The following PPP1R10 variants were observed in gnomAD, a reference collection of about 807,000 sequenced individuals.
PPP1R10 encodes serine/threonine-protein phosphatase 1 regulatory subunit 10.
In PPP1R10, 15 loss-of-function variants were observed where a neutral mutation model predicts 99.0. That is an observed-to-expected ratio of 0.15 (90% CI 0.10 to 0.23). The LOEUF is 0.23. PPP1R10 is among the 10% of genes least tolerant of loss of function. The pLI, the probability that PPP1R10 is intolerant of heterozygous loss-of-function variation, is 1.00. For missense variants in PPP1R10, 947 were observed against 1,259.4 expected (o/e 0.75, Z 3.75); for synonymous variants, 430 against 449.5 (o/e 0.96, Z 0.55).
intron 2 of PPP1R10, among the ~76,000 whole-genome samples, chr6:30,613,818 C>A (rs1295182374): frequency 6.6e-6 from 1 of 152,086 alleles, no homozygotes; most frequent in Non-Finnish European, 1.5e-5. Flanking sequence ...ATGTTCAGCT[C>A]CCAAGGAAGA....
rs776171242 is a variant in PPP1R10 at position 30,602,560 on chromosome 6, C to T, written c.2089G>A (p.Gly697Arg). The T allele has an allele frequency of 1.9e-6, 3 of 1,565,394 alleles. No homozygotes were observed. The highest frequency in any genetic ancestry group is 2.0e-5 in the Admixed American group (1 of 50,922). ...MRGGPMRGGP[G>R]PGPGPYHRGR... ...CTATGGTATGGTCCAGGACCTGGTC[C>T]TGGACCCCCCCGCATTGGGCCACCC... Residue 697 changes from glycine (G) to arginine (R), a missense_variant, in exon 19 of 20, where the codon GGA becomes AGA. By Grantham distance (125) the Gly-to-Arg change is moderately radical. Transcript: ENST00000376511. The surrounding 1 kb of genome is among the most constrained non-coding windows in gnomAD (Gnocchi z 6.7).
chr6:30,602,633 A>G lies in PPP1R10; in HGVS notation c.2016T>C (p.Pro672=). The G allele has an allele frequency of 3.8e-6, 6 of 1,588,924 alleles. No homozygotes were observed. The highest frequency in any genetic ancestry group is 5.1e-6 in the Non-Finnish European group (6 of 1,170,746). ...VGPRLLGPPP[P]PRGGDPFWDG... Reference sequence around the variant, plus strand: ...CCCAGAAGGGATCACCTCCCCGGGGAGGGGGTGGAGGACCCAGAAGACGTG... The same window carrying G: ...CCCAGAAGGGATCACCTCCCCGGGGGGGGGGTGGAGGACCCAGAAGACGTG... Residue 672 remains proline, a synonymous_variant, in exon 19 of 20, where the codon CCT becomes CCC. Coordinates refer to ENST00000376511, the MANE Select transcript of PPP1R10 (RefSeq NM_002714.4). The surrounding 1 kb of genome is among the most constrained non-coding windows in gnomAD (Gnocchi z 6.7).
At chr6:30,608,713 T>C in intron 5 of PPP1R10, 66 bp downstream of exon 5, 1 of 1,532,154 alleles carries the variant, frequency 6.5e-7, no homozygotes, top group Non-Finnish European at 8.9e-7. Flanking sequence ...CATCAGTCAG[T>C]TTGAGTTTTT....
intron 2 of PPP1R10, among the ~76,000 whole-genome samples, chr6:30,610,226 C>T (rs1041114109): frequency 5.3e-5 from 8 of 152,178 alleles, no homozygotes; most frequent in African/African-American, 1.9e-4. Flanking sequence ...GTCCCTCCCT[C>T]CCAGCAGCAT....
At chr6:30,607,522 G>C (rs1014292848) in intron 6 of PPP1R10, among the ~76,000 whole-genome samples, 1 of 152,154 alleles carries the variant, frequency 6.6e-6, no homozygotes, top group Non-Finnish European at 1.5e-5. Context: ...GAGTTTCACA[G>C]ATGAGACACG....
At position 30,603,989 on chromosome 6, in the gene PPP1R10, C is replaced by T. The variant is rs200747697; in HGVS notation, c.1508+19G>A. On this transcript the variant is annotated intron_variant, in intron 14 of 19. Transcript: ENST00000376511. Reference sequence around the variant, plus strand: ...TCCAAGCACTCAACATCCCAGGGCACGAACCCCACTCTGCTCACCTCTCCT... The same window carrying T: ...TCCAAGCACTCAACATCCCAGGGCATGAACCCCACTCTGCTCACCTCTCCT... 2.9e-5 allele frequency: 45 copies of T among 1,563,522 alleles called. No homozygotes were observed. The highest frequency in any genetic ancestry group is 6.8e-5 in the African/African-American group (5 of 73,730).
chr6:30,602,251 G>A lies in PPP1R10; in HGVS notation c.2398C>T (p.His800Tyr), dbSNP rs758424401. The A allele has an allele frequency of 1.2e-6, 2 of 1,612,170 alleles. No homozygotes were observed. Among genetic ancestry groups the A allele is most frequent in the Non-Finnish European group, 1.7e-6 (2 of 1,179,472 alleles). The stretch of plus-strand genomic sequence containing the variant: ...CTGATGCCACCGCCAGGGCCTTCGT[G>A]GGGACGATGTCCTCCACCCCCACCC... The part of the protein sequence containing the change: ...SMGGGGGHRP[H>Y]EGPGGGISGG... Residue 800 changes from histidine (H) to tyrosine (Y), a missense_variant, in exon 19 of 20, where the codon CAC (histidine) becomes TAC (tyrosine). Coordinates refer to ENST00000376511, the MANE Select transcript of PPP1R10 (RefSeq NM_002714.4). The surrounding 1 kb of genome is among the most constrained non-coding windows in gnomAD (Gnocchi z 6.7).
chr6:30,603,773 G>A lies in PPP1R10; in HGVS notation c.1572+7C>T. The A allele has an allele frequency of 6.5e-7, 1 of 1,541,944 alleles. No individual in the cohort carries two copies. The highest frequency in any genetic ancestry group is 8.7e-7 in the Non-Finnish European group (1 of 1,145,958). On this transcript the variant is annotated splice_region_variant and intron_variant, in intron 15 of 19. Coordinates refer to ENST00000376511, the MANE Select transcript of PPP1R10 (RefSeq NM_002714.4). The stretch of plus-strand genomic sequence containing the variant: ...ACAACTTCCATCATCACAGAACATT[G>A]ACTTACCTCATCTAGGGGGATGAGT...
At position 30,602,751 on chromosome 6, in the gene PPP1R10, TAAACCACC is replaced by T; in HGVS notation, c.1958-68_1958-61del. ...TACCAGGAACTGCCATCTCCCAACC[TAAACCACC>T]ACCTCCCACCTTCCAGTCAATCCTA... is the stretch of plus-strand genomic sequence containing the variant. On this transcript the variant is annotated intron_variant, in intron 18 of 19. Coordinates refer to ENST00000376511, the MANE Select transcript of PPP1R10 (RefSeq NM_002714.4). The surrounding 1 kb of genome is among the most constrained non-coding windows in gnomAD (Gnocchi z 6.7). 1 of 1,573,842 alleles carries T rather than the reference TAAACCACC, an allele frequency of 6.4e-7. No homozygotes were observed. The highest frequency in any genetic ancestry group is 8.6e-7 in the Non-Finnish European group (1 of 1,157,410).
chr6:30,609,160 C>A lies in PPP1R10; in HGVS notation c.111G>T (p.Leu37Phe), dbSNP rs1443938113. 2 of 1,613,044 alleles carry A rather than the reference C, an allele frequency of 1.2e-6. No homozygotes were observed. The highest frequency in any genetic ancestry group is 1.7e-6 in the Non-Finnish European group (2 of 1,180,030). Residue 37 changes from leucine to phenylalanine, a missense_variant, in exon 4 of 20, where the codon TTG (leucine) becomes TTT (phenylalanine). Leu to Phe is a conservative substitution (Grantham distance 22, BLOSUM62 0). Transcript: ENST00000376511. The surrounding 1 kb of genome is among the most constrained non-coding windows in gnomAD (Gnocchi z 4.5). ...SVDGISKIFS[L>F]MKEARKMVSR... ...TCACCATCTTTCGTGCTTCCTTCAT[C>A]AAACTGCAGAAGATGAGTTAGGGTT...
At chr6:30,610,036 A>G in intron 2 of PPP1R10, 81 bp from the exon 3 acceptor site, 1 of 836,124 alleles carries the variant, frequency 1.2e-6, no homozygotes, top group South Asian at 1.4e-5. Flanking sequence ...CTAATAAACC[A>G]CATCTCTATA....
At chr6:30,605,305 C>T (rs572341849) in intron 10 of PPP1R10, among the ~76,000 whole-genome samples, 6 of 152,290 alleles carry the variant, frequency 3.9e-5, no homozygotes, top group Non-Finnish European at 7.4e-5. Flanking sequence ...CAAGCCATAG[C>T]TTTGGATGTG....
chr6:30,613,518 T>A (rs1187063808), intron 2 of PPP1R10, among the ~76,000 whole-genome samples: 1 of 152,218 alleles, frequency 6.6e-6, no homozygotes, highest in Non-Finnish European at 1.5e-5. Flanking sequence ...GTCATAGCTT[T>A]CTTCCAAGTA....
Position 30,606,047 on chromosome 6 carries a change from G to A in PPP1R10, c.741-12C>T, listed in dbSNP as rs1803909997. The A allele has an allele frequency of 6.2e-7, 1 of 1,613,648 alleles. No individual in the cohort carries two copies. The highest frequency in any genetic ancestry group is 8.5e-7 in the Non-Finnish European group (1 of 1,179,644). On this transcript the variant is annotated splice_polypyrimidine_tract_variant and intron_variant, in intron 9 of 19. Coordinates refer to ENST00000376511, the MANE Select transcript of PPP1R10 (RefSeq NM_002714.4). The surrounding 1 kb of genome is among the most constrained non-coding windows in gnomAD (Gnocchi z 6.3). ...GAGCAGCTACGTTGCTGTCAGAAGA[G>A]GAACTGTCATCAACATCTCCGACTC...
intron 19 of PPP1R10, 77 bp downstream of exon 19, chr6:30,601,856 ACAG>A: frequency 6.9e-7 from 1 of 1,439,646 alleles, no homozygotes; most frequent in Non-Finnish European, 9.1e-7. Context: ...CTAGCTACCA[ACAG>A]TAGTGACTCT....
chr6:30,609,815 T>C lies in PPP1R10; in HGVS notation c.107+23A>G. 6.3e-7 allele frequency: 1 copy of C among 1,579,154 alleles called. No homozygotes were observed. The highest frequency in any genetic ancestry group is 1.1e-5 in the South Asian group (1 of 90,366). ...CACAATATTCTCTACTCACAGTGAA[T>C]ACAAAAAGGGGTAAAGACTCACCTG... On this transcript the variant is annotated intron_variant, in intron 3 of 19. Transcript: ENST00000376511. This position sits in a 1 kb window ranked among gnomAD's most constrained non-coding sequence, Gnocchi z 4.5.
intron 2 of PPP1R10, among the ~76,000 whole-genome samples, chr6:30,611,263 T>C (rs1307737843): frequency 1.3e-5 from 2 of 152,204 alleles, no homozygotes; most frequent in Non-Finnish European, 2.9e-5. Context: ...TGAGCTGTGA[T>C]TGTGCCACTG....
At chr6:30,615,554 T>C (rs550905490) in intron 2 of PPP1R10, among the ~76,000 whole-genome samples, 2 of 152,296 alleles carry the variant, frequency 1.3e-5, no homozygotes, top group Non-Finnish European at 1.5e-5. Context: ...GTCGCCATAT[T>C]GAAGCAGGGA....
chr6:30,606,342 C>A lies in PPP1R10; in HGVS notation c.635-99G>T, dbSNP rs1280186436. The A allele has an allele frequency of 1.3e-6, 2 of 1,567,960 alleles. No individual in the cohort carries two copies. The highest frequency in any genetic ancestry group is 1.7e-6 in the Non-Finnish European group (2 of 1,148,146). ...GCAAATGTTCTTCTAGCCTTGTAAC[C>A]AAAGCTTCCTCTGCTAGTCTTCCCT... On this transcript the variant is annotated intron_variant, in intron 8 of 19. Transcript: ENST00000376511. The surrounding 1 kb of genome is among the most constrained non-coding windows in gnomAD (Gnocchi z 6.3).
Sources: gnomAD v4.1 joint callset for allele counts (sites outside exome capture counted in the v4.1 genomes callset) on GRCh38, gnomAD v4.1.1 for gene constraint, Gnocchi (gnomAD v3.1) non-coding constraint, MANE v1.5 for transcripts, NCBI Gene and HGNC (gene_info 2026-07-23, HGNC 2026-07-21) for gene names.